The following COA6 variants were observed in gnomAD, a reference collection of about 807,000 sequenced individuals.
COA6 encodes cytochrome c oxidase assembly factor 6.
A neutral mutation model predicts 17.1 loss-of-function variants in COA6; 12 were observed. The observed-to-expected ratio is 0.70, with a 90% confidence interval of 0.45 to 1.14. The LOEUF (loss-of-function observed/expected upper bound fraction) is 1.14. COA6 is among the 50% of genes most tolerant of loss of function. The pLI is 0.00. For synonymous variants in COA6, 90 were observed against 73.4 expected, an observed-to-expected ratio of 1.23 and a Z score of -1.16; for missense variants, 246 against 196.5, an observed-to-expected ratio of 1.25 and a Z score of -1.51.
rs1259040937 is a variant in COA6, at chr1:234,384,412, A to ATCT, written c.*596_*598dup. On this transcript the variant is annotated 3_prime_UTR_variant, in exon 3 of 3. Transcript: ENST00000366615. ...GCTCTACTCACATATAATAAATACT[A>ATCT]TCTTATAGAATGTACCAATGGATGC... Among the ~76,000 whole-genome samples, 4 of 152,282 alleles carry ATCT rather than the reference A, an allele frequency of 2.6e-5. No homozygotes were observed. The highest frequency in any genetic ancestry group is 1.9e-4 in the East Asian group (1 of 5,194).
chr1:234,374,427 GATACATCGAGCTT>G, intron 2 of COA6, 38 bp downstream of exon 2: 1 of 1,606,244 alleles, frequency 6.2e-7, no homozygotes, highest in Non-Finnish European at 8.5e-7. Context: ...TCCCTGTTAA[GATACATCGAGCTT>G]ATACTGTGAG....
At chr1:234,377,142 G>GTTGTTGTTGTTT (rs1658831562) in intron 2 of COA6, among the ~76,000 whole-genome samples, 3 of 94,670 alleles carry the variant, frequency 3.2e-5, no homozygotes, top group Non-Finnish European at 5.6e-5. Flanking sequence ...TTTTGTTGTT[G>GTTGTTGTTGTTT]TTGAGACAGA....
At chr1:234,374,687 A>G (rs1433506976) in intron 2 of COA6, among the ~76,000 whole-genome samples, 1 of 152,240 alleles carries the variant, frequency 6.6e-6, no homozygotes, top group African/African-American at 2.4e-5. Context: ...CTGAAGGGGT[A>G]GTATTTAATC....
In COA6 at chr1:234,383,573, GACACACAC is replaced by G. The variant is rs60042887; in HGVS notation, c.373-132_373-125del. 92 of 473,356 alleles carry G rather than the reference GACACACAC, an allele frequency of 1.9e-4. No homozygotes were observed. In the East Asian group the frequency reaches 2.5e-3, roughly 13 times the overall value. The allele number at this position is 473,356 out of a possible 1,614,324, so 29.3% of individuals were successfully genotyped here. A position where few individuals can be genotyped will look rare whatever the true frequency, so the allele number is the denominator to read the frequency against. On this transcript the variant is annotated intron_variant, in intron 2 of 2. Transcript: ENST00000366615. ...AAAAACATCATTCATAGTTACAGCT[GACACACAC>G]ACACACACACACACACAAAATGGTT...
chr1:234,381,837 G>A (rs189903922), intron 2 of COA6, among the ~76,000 whole-genome samples: 4 of 152,354 alleles, frequency 2.6e-5, no homozygotes, highest in Non-Finnish European at 5.9e-5. Context: ...TGGACAAGTT[G>A]GGACTGCAAC....
intron 2 of COA6, among the ~76,000 whole-genome samples, chr1:234,378,648 C>T (rs1263384104): frequency 3.9e-5 from 6 of 152,092 alleles, no homozygotes; most frequent in Admixed American, 3.3e-4. Context: ...CCGAGGTGGG[C>T]GGATCACCTG....
chr1:234,375,090 C>G (rs954410145), intron 2 of COA6, among the ~76,000 whole-genome samples: 13 of 149,808 alleles, frequency 8.7e-5, no homozygotes, highest in African/African-American at 3.2e-4. Context: ...GAGTTCAAGA[C>G]CAGCCTGGCC....
chr1:234,381,713 G>C (rs113670226), intron 2 of COA6, among the ~76,000 whole-genome samples: 5 of 152,124 alleles, frequency 3.3e-5, no homozygotes, highest in South Asian at 2.1e-4. Flanking sequence ...AAATGATGAG[G>C]GTTTGTGCTG....
chr1:234,379,009 T>G (rs1452414236), intron 2 of COA6, among the ~76,000 whole-genome samples: 1 of 149,582 alleles, frequency 6.7e-6, no homozygotes, highest in Admixed American at 6.6e-5. Flanking sequence ...TTTTAATTTT[T>G]TTTTTTTTTT....
intron 2 of COA6, among the ~76,000 whole-genome samples, chr1:234,377,068 G>A (rs1449281803): frequency 1.1e-4 from 11 of 98,846 alleles, no homozygotes; most frequent in Admixed American, 3.6e-4. Flanking sequence ...CCGAGAGAGA[G>A]AGAGAGAGAG....
At chr1:234,381,172 C>G (rs1025094126) in intron 2 of COA6, among the ~76,000 whole-genome samples, 1 of 152,158 alleles carries the variant, frequency 6.6e-6, no homozygotes, top group Non-Finnish European at 1.5e-5. Context: ...TTTGAAATGT[C>G]TCAGAAATCC....
chr1:234,377,059 CG>C (rs1228185486), intron 2 of COA6, among the ~76,000 whole-genome samples: 5,850 of 82,538 alleles, frequency 0.071, 1,175 homozygotes, highest in African/African-American at 0.29. Flanking sequence ...GCTGTGTTGC[CG>C]AGAGAGAGAG....
At chr1:234,382,321 T>G (rs1406698072) in intron 2 of COA6, among the ~76,000 whole-genome samples, 1 of 152,216 alleles carries the variant, frequency 6.6e-6, no homozygotes, top group African/African-American at 2.4e-5. Context: ...GCTGCTTCTG[T>G]GTCAGGGCGC....
In COA6 at chr1:234,378,593, G is replaced by A. The variant is rs370789526; in HGVS notation, c.372+4204G>A. On this transcript the variant is annotated intron_variant, in intron 2 of 2. Coordinates refer to ENST00000366615, the MANE Select transcript of COA6 (RefSeq NM_001206641.3). ...AACAGCCAGAAACCTGCACTGATGG[G>A]CCAGGCGCAGTTGCTCATGCCTGTA... 3.3e-5 allele frequency among the ~76,000 whole-genome samples: 5 copies of A among 152,342 alleles called. No homozygotes were observed. In the East Asian group the frequency reaches 9.6e-4, roughly 29 times the overall value.
At chr1:234,373,726 CGGGAGG>C in intron 1 of COA6, 48 bp downstream of exon 1, 3 of 1,613,850 alleles carry the variant, frequency 1.9e-6, no homozygotes, top group Admixed American at 1.7e-5. Flanking sequence ...ACTATGGGCC[CGGGAGG>C]TCCCTTACTG....
Position 234,378,639 on chromosome 1 carries a change from C to T in COA6, c.372+4250C>T, listed in dbSNP as rs532522666. Among the ~76,000 whole-genome samples the T allele has an allele frequency of 3.3e-4, 50 of 152,202 alleles. 1 individual carries two copies. Among genetic ancestry groups the T allele is most frequent in the South Asian group, 1.5e-3 (7 of 4,816 alleles). ...CTGTAATCCCAGCACTTTGGGAGGC[C>T]GAGGTGGGCGGATCACCTGAGGTCA... On this transcript the variant is annotated intron_variant, in intron 2 of 2. Transcript: ENST00000366615.
rs182907076 is a variant in COA6, at chr1:234,373,508, C to T, written c.42C>T (p.Arg14=). 22 of 1,605,184 alleles carry T rather than the reference C, an allele frequency of 1.4e-5. No individual in the cohort carries two copies. The Admixed American group carries it at 3.4e-4, about 25-fold the overall frequency. ...RKGQKSPRFR[R]VSCFLRLGRS... Reference sequence around the variant, plus strand: ...GTCAAAAGAGTCCGCGGTTTCGCCGCGTGAGTTGCTTTTTGCGGCTGGGGA... The same window carrying T: ...GTCAAAAGAGTCCGCGGTTTCGCCGTGTGAGTTGCTTTTTGCGGCTGGGGA... The change falls in exon 1 of 3, where the codon CGC becomes CGT. Residue 14 remains arginine, a synonymous_variant. Coordinates refer to ENST00000366615, the MANE Select transcript of COA6 (RefSeq NM_001206641.3).
Position 234,374,329 on chromosome 1 carries a change from G to A in COA6, c.312G>A (p.Glu104=). The A allele has an allele frequency of 6.2e-7, 1 of 1,614,072 alleles. No individual in the cohort carries two copies. Among genetic ancestry groups the A allele is most frequent in the Non-Finnish European group, 8.5e-7 (1 of 1,179,998 alleles). The change falls in exon 2 of 3, where the codon GAG becomes GAA. Residue 104 remains glutamate (E), a synonymous_variant. Coordinates refer to ENST00000366615, the MANE Select transcript of COA6 (RefSeq NM_001206641.3). ...EYWKCLDENL[E]DASQCKKLRS... is the part of the protein sequence containing the mutation. ...GGAAGTGTTTAGATGAGAACTTAGA[G>A]GATGCTTCTCAATGCAAGAAGTTAA...
chr1:234,374,199 T>C (rs1176002716), intron 1 of COA6, 31 bp from the exon 2 acceptor site: 48 of 1,592,728 alleles, frequency 3.0e-5, no homozygotes, highest in Non-Finnish European at 3.9e-5. Context: ...CAAAGTTCAT[T>C]GTTAATCTCA....
Sources: allele counts gnomAD v4.1 joint callset (sites outside exome capture counted in the v4.1 genomes callset), GRCh38; gene constraint gnomAD v4.1.1; transcripts MANE v1.5; gene names NCBI Gene and HGNC (gene_info 2026-07-23, HGNC 2026-07-21).